Variants in ZFPM2 observed in about 807,000 individuals in gnomAD.
The protein encoded by ZFPM2 is zinc finger protein ZFPM2.
ZFPM2 carries 20 observed loss-of-function variants against 98.6 expected under a neutral mutation model. The observed-to-expected ratio is 0.20, with a 90% CI of 0.14 to 0.29. ZFPM2 has a LOEUF of 0.29. Among genes scored for constraint, ZFPM2 ranks in the 10% least tolerant of loss-of-function variants. The pLI is 1.00. For synonymous variants in ZFPM2, 518 were observed against 502.7 expected, an observed-to-expected ratio of 1.03 and a Z score of -0.41; for missense variants, 1,310 against 1,388.6, an observed-to-expected ratio of 0.94 and a Z score of 0.90.
intron 6 of ZFPM2, among the ~76,000 whole-genome samples, chr8:105,792,887 A>G (rs1813663471): frequency 6.6e-6 from 1 of 152,096 alleles, no homozygotes; most frequent in Non-Finnish European, 1.5e-5. Flanking sequence ...AGTCTGTTTT[A>G]TCAGAGACTA....
intron 3 of ZFPM2, among the ~76,000 whole-genome samples, chr8:105,524,556 C>T (rs1281215798): frequency 1.3e-5 from 2 of 151,856 alleles, no homozygotes; most frequent in Non-Finnish European, 2.9e-5. Context: ...AATGTTCAGG[C>T]CAATACTTTG....
In ZFPM2 at chr8:105,355,777, A is replaced by ATT. The variant is rs1812730312; in HGVS notation, c.40+36796_40+36797insTT. 2.6e-5 allele frequency among the ~76,000 whole-genome samples: 4 copies of ATT among 152,336 alleles called. No homozygotes were observed. The South Asian group carries it at 8.3e-4, about 32-fold the overall frequency. On this transcript the variant is annotated intron_variant, in intron 1 of 7. Transcript: ENST00000407775. The stretch of plus-strand genomic sequence containing the variant: ...GACCAACATAGTTTAGGTGATTCCT[A>ATT]AATAAAAAAAACTACAGTGTGTGTT...
chr8:105,592,033 A>G (rs527879433), intron 4 of ZFPM2, among the ~76,000 whole-genome samples: 4 of 152,132 alleles, frequency 2.6e-5, no homozygotes, highest in African/African-American at 7.2e-5. Context: ...TCAGATCACT[A>G]TTAGGCTTAC....
intron 4 of ZFPM2, among the ~76,000 whole-genome samples, chr8:105,563,553 CA>C: frequency 6.6e-6 from 1 of 152,010 alleles, no homozygotes; most frequent in East Asian, 1.9e-4. Flanking sequence ...GTGATGTAGC[CA>C]CAAAATGCAG....
At chr8:105,529,676 G>A (rs1814253300) in intron 3 of ZFPM2, among the ~76,000 whole-genome samples, 1 of 151,106 alleles carries the variant, frequency 6.6e-6, no homozygotes, top group African/African-American at 2.4e-5. Context: ...CAAATAAAAT[G>A]GGAATTGCAA....
chr8:105,354,750 C>T (rs1035582220), intron 1 of ZFPM2, among the ~76,000 whole-genome samples: 3 of 152,022 alleles, frequency 2.0e-5, no homozygotes, highest in Non-Finnish European at 2.9e-5. Context: ...GTCAGGAGAT[C>T]GAGACCATCT....
At chr8:105,428,416 A>G (rs141856868) in intron 2 of ZFPM2, among the ~76,000 whole-genome samples, 1 of 152,320 alleles carries the variant, frequency 6.6e-6, no homozygotes, top group African/African-American at 2.4e-5. Context: ...GATATAATGT[A>G]AGGGGCTATA....
At chr8:105,644,980 C>A (rs771589159) in intron 5 of ZFPM2, among the ~76,000 whole-genome samples, 7 of 152,070 alleles carry the variant, frequency 4.6e-5, no homozygotes, top group Non-Finnish European at 1.0e-4. Context: ...TATCAGTTAT[C>A]TTTATATTTG....
chr8:105,485,226 G>A (rs554404609), intron 3 of ZFPM2, among the ~76,000 whole-genome samples: 53 of 152,240 alleles, frequency 3.5e-4, no homozygotes, highest in African/African-American at 1.2e-3. Flanking sequence ...GAGTCCAACA[G>A]CCAGCCTGCA....
rs199814804 is a variant in ZFPM2 at position 105,561,445 on chromosome 8, G to A, written c.384G>A (p.Pro128=). 46 of 1,612,864 alleles carry A rather than the reference G, an allele frequency of 2.9e-5. 1 individual carries two copies. In the Middle Eastern group the frequency reaches 6.6e-4, roughly 23 times the overall value. The stretch of plus-strand genomic sequence containing the variant: ...TTCCAGTGGGAACAACCTGGGGGCC[G>A]TTTCCTGGGAAGATGGACTTGAATA... The part of the protein sequence containing the change: ...QQLPVGTTWG[P]FPGKMDLNNN... Residue 128 remains proline (P), a synonymous_variant, in exon 4 of 8, where the codon CCG becomes CCA. Coordinates refer to ENST00000407775, the MANE Select transcript of ZFPM2 (RefSeq NM_012082.4).
intron 1 of ZFPM2, among the ~76,000 whole-genome samples, chr8:105,335,640 A>T (rs1812312596): frequency 6.6e-6 from 1 of 151,824 alleles, no homozygotes; most frequent in Non-Finnish European, 1.5e-5. Context: ...TCCAGCCATC[A>T]ACTGTTGAAA....
At chr8:105,795,246 T>TCGTGTGTGTGTGTG (rs1554582313) in intron 6 of ZFPM2, among the ~76,000 whole-genome samples, 5 of 138,228 alleles carry the variant, frequency 3.6e-5, no homozygotes, top group African/African-American at 1.1e-4. Flanking sequence ...CATTTTATCT[T>TCGTGTGTGTGTGTG]TGTGTGTGTG....
chr8:105,515,164 T>C (rs545969254), intron 3 of ZFPM2, among the ~76,000 whole-genome samples: 1 of 152,322 alleles, frequency 6.6e-6, no homozygotes, highest in Non-Finnish European at 1.5e-5. Context: ...ACTGGAACTA[T>C]TGAAGTGCCA....
intron 3 of ZFPM2, among the ~76,000 whole-genome samples, chr8:105,549,038 T>C (rs778463984): frequency 6.6e-6 from 1 of 152,192 alleles, no homozygotes; most frequent in Non-Finnish European, 1.5e-5. Flanking sequence ...TGTAGGTCTA[T>C]TGATCACACC....
chr8:105,460,890 AAT>A (rs1300559645), intron 3 of ZFPM2, among the ~76,000 whole-genome samples: 2 of 152,034 alleles, frequency 1.3e-5, no homozygotes, highest in Non-Finnish European at 2.9e-5. Flanking sequence ...TTTTGAAATA[AAT>A]ATGAGATTTT....
At chr8:105,465,001 T>C (rs923706482) in intron 3 of ZFPM2, among the ~76,000 whole-genome samples, 1 of 151,738 alleles carries the variant, frequency 6.6e-6, no homozygotes, top group African/African-American at 2.4e-5. Context: ...AGAAAAGATA[T>C]TCACTCAGCC....
At chr8:105,705,842 A>G (rs1175900217) in intron 5 of ZFPM2, among the ~76,000 whole-genome samples, 1 of 152,190 alleles carries the variant, frequency 6.6e-6, no homozygotes, top group East Asian at 1.9e-4. Context: ...TAGAAAAGTC[A>G]GCCCTTTTCT....
At chr8:105,701,377 G>C (rs766760136) in intron 5 of ZFPM2, among the ~76,000 whole-genome samples, 5 of 152,050 alleles carry the variant, frequency 3.3e-5, no homozygotes, top group Non-Finnish European at 7.4e-5. Flanking sequence ...TTTATATTCT[G>C]TCTCTATCTG....
chr8:105,406,035 G>A (rs907592850), intron 1 of ZFPM2, among the ~76,000 whole-genome samples: 3 of 152,094 alleles, frequency 2.0e-5, no homozygotes, highest in Non-Finnish European at 4.4e-5. Context: ...GGCCAGTGAT[G>A]GTGAGCATTT....
Sources: allele counts gnomAD v4.1 joint callset (sites outside exome capture counted in the v4.1 genomes callset), GRCh38; gene constraint gnomAD v4.1.1; transcripts MANE v1.5; gene names NCBI Gene and HGNC (gene_info 2026-07-23, HGNC 2026-07-21).